Variants in LRP12 observed in about 807,000 individuals in gnomAD.
LRP12 encodes the protein LDL receptor related protein 12.
LRP12 carries 14 observed loss-of-function variants against 66.0 expected under a neutral mutation model. That is an observed-to-expected ratio of 0.21 (90% CI 0.14 to 0.33). LRP12 has a LOEUF of 0.33. LRP12 is among the 10% of genes least tolerant of loss of function. The pLI is 1.00. For synonymous variants in LRP12, 357 were observed against 359.1 expected, an observed-to-expected ratio of 0.99 and a Z score of 0.07; for missense variants, 889 against 1,053.4, an observed-to-expected ratio of 0.84 and a Z score of 2.16.
chr8:104,523,789 C>CT (rs1160095336), intron 2 of LRP12, among the ~76,000 whole-genome samples: 1 of 152,152 alleles, frequency 6.6e-6, no homozygotes, highest in East Asian at 1.9e-4. Flanking sequence ...GTACTGTAGA[C>CT]TGAGGTCTGC....
intron 2 of LRP12, among the ~76,000 whole-genome samples, chr8:104,514,536 G>A (rs1404539014): frequency 2.9e-5 from 4 of 139,418 alleles, no homozygotes; most frequent in Admixed American, 7.3e-5. Context: ...GTGAAACCCC[G>A]TCTCTACTTA....
intron 3 of LRP12, among the ~76,000 whole-genome samples, chr8:104,501,061 C>G (rs1427680493): frequency 1.3e-5 from 2 of 152,096 alleles, no homozygotes; most frequent in Non-Finnish European, 2.9e-5. Context: ...ATTTCTATTT[C>G]TTTTACTCCA....
In LRP12 at chr8:104,491,400, A is replaced by G. The variant is rs777529283; in HGVS notation, c.1853T>C (p.Leu618Ser). The G allele has an allele frequency of 6.2e-7, 1 of 1,614,120 alleles. No individual in the cohort carries two copies. Among genetic ancestry groups the G allele is most frequent in the East Asian group, 2.2e-5 (1 of 44,878 alleles). The change falls in exon 7 of 7, where the codon TTG becomes TCG. Residue 618 changes from leucine to serine, a missense_variant. Physicochemically the swap from Leu to Ser is moderately radical, Grantham distance 145. This residue lies in a region of LRP12 where 800 missense variants were observed against 964.5 expected (regional missense o/e 0.83). Coordinates refer to ENST00000276654, the MANE Select transcript of LRP12 (RefSeq NM_013437.5). Reference sequence around the variant, plus strand: ...ATCTCCATCTGCTGAGACCAAAGCCAATGACCCAGAATGACGTGATCTTGC... The same window carrying G: ...ATCTCCATCTGCTGAGACCAAAGCCGATGACCCAGAATGACGTGATCTTGC... ...NFARSRHSGS[L>S]ALVSADGDEV... is the part of the protein sequence containing the mutation.
At chr8:104,586,011 G>A (rs1200794829) in intron 1 of LRP12, among the ~76,000 whole-genome samples, 1 of 152,182 alleles carries the variant, frequency 6.6e-6, no homozygotes, top group African/African-American at 2.4e-5. Context: ...CAAAGCTTGT[G>A]GTTGTCACCA....
intron 2 of LRP12, among the ~76,000 whole-genome samples, chr8:104,516,780 A>T (rs16871529): frequency 0.031 from 4,647 of 152,204 alleles, 231 homozygotes; most frequent in African/African-American, 0.11. Context: ...TTCAAAATAA[A>T]GTCAAGCTGT....
At chr8:104,524,135 G>A (rs777801656) in intron 2 of LRP12, among the ~76,000 whole-genome samples, 2 of 151,292 alleles carry the variant, frequency 1.3e-5, no homozygotes, top group Non-Finnish European at 2.9e-5. Flanking sequence ...CCAGCTACTC[G>A]GGAGGCTGAG....
At chr8:104,538,835 C>T (rs1479526181) in intron 1 of LRP12, among the ~76,000 whole-genome samples, 1 of 152,062 alleles carries the variant, frequency 6.6e-6, no homozygotes, top group African/African-American at 2.4e-5. Flanking sequence ...TTAGCAACTA[C>T]GTTTTTTATT....
chr8:104,497,083 G>A lies in LRP12; in HGVS notation c.1469C>T (p.Pro490Leu). The change falls in exon 5 of 7, where the codon CCT (proline) becomes CTT (leucine). Residue 490 changes from proline (P) to leucine (L), a missense_variant. Physicochemically the swap from Pro to Leu is moderately conservative, Grantham distance 98. Around this residue, in one of 3 missense-constraint regions of LRP12, gnomAD observed 800 missense variants for 964.5 expected, o/e 0.83. Transcript: ENST00000276654. The surrounding 1 kb of genome is among the most constrained non-coding windows in gnomAD (Gnocchi z 4.3). The stretch of plus-strand genomic sequence containing the variant: ...GACGGCAGCAGTGATGACTCTTGTA[G>A]GCACGATTACTGGGCAATTTTCTTC... The part of the protein sequence containing the change: ...SDEENCPVIV[P>L]TRVITAAVIG... The A allele has an allele frequency of 2.5e-6, 4 of 1,613,480 alleles. No homozygotes were observed. The highest frequency in any genetic ancestry group is 3.4e-6 in the Non-Finnish European group (4 of 1,179,686).
chr8:104,491,223 TG>T lies in LRP12; in HGVS notation c.2029del (p.Gln677LysfsTer9). On this transcript the variant is annotated frameshift_variant, in exon 7 of 7. Coordinates refer to ENST00000276654, the MANE Select transcript of LRP12 (RefSeq NM_013437.5). LOFTEE classifies it high-confidence loss of function. Reference protein sequence around the residue: ...ASGGVAAPLPQKVPPTTAVEA... With the variant: ...ASGGVAAPLPXKVPPTTAVEA... The stretch of plus-strand genomic sequence containing the variant: ...TACTGCCGTTGTGGGAGGGACTTTT[TG>T]AGGCAAAGGAGCTGCAACCCCACCA... 6.2e-7 allele frequency: 1 copy of T among 1,614,036 alleles called. No homozygotes were observed. Among genetic ancestry groups the T allele is most frequent in the Non-Finnish European group, 8.5e-7 (1 of 1,179,986 alleles).
chr8:104,559,004 C>T (rs922840030), intron 1 of LRP12, among the ~76,000 whole-genome samples: 2 of 152,010 alleles, frequency 1.3e-5, no homozygotes, highest in Non-Finnish European at 2.9e-5. Flanking sequence ...TTTACATTGC[C>T]AGTGGGAATG....
chr8:104,581,096 T>C (rs1458195767), intron 1 of LRP12, among the ~76,000 whole-genome samples: 4 of 152,196 alleles, frequency 2.6e-5, no homozygotes, highest in African/African-American at 2.4e-5. Flanking sequence ...TAGAATACTA[T>C]GTAGTCATAA....
chr8:104,543,081 C>G (rs1435511237), intron 1 of LRP12, among the ~76,000 whole-genome samples: 1 of 151,508 alleles, frequency 6.6e-6, no homozygotes, highest in Non-Finnish European at 1.5e-5. Flanking sequence ...AGTGCTGTTA[C>G]TCAGGTATTT....
intron 1 of LRP12, among the ~76,000 whole-genome samples, chr8:104,554,308 G>A (rs1811771784): frequency 6.6e-6 from 1 of 152,186 alleles, no homozygotes; most frequent in South Asian, 2.1e-4. Context: ...AATTCAGATG[G>A]TCGATTATTA....
chr8:104,491,283 GTGTC>G lies in LRP12; in HGVS notation c.1966_1969del (p.Asp656GlnfsTer29). 1 of 1,614,066 alleles carries G rather than the reference GTGTC, an allele frequency of 6.2e-7. No individual in the cohort carries two copies. The highest frequency in any genetic ancestry group is 8.5e-7 in the Non-Finnish European group (1 of 1,180,026). On this transcript the variant is annotated frameshift_variant, in exon 7 of 7. Coordinates refer to ENST00000276654, the MANE Select transcript of LRP12 (RefSeq NM_013437.5). LOFTEE classifies it high-confidence loss of function. ...TGCCATATCTCTTCTCTCATTTTCT[GTGTC>G]TGTATCATCAGACTCCACGGAAAAC...
chr8:104,585,266 C>T (rs1428081260), intron 1 of LRP12, among the ~76,000 whole-genome samples: 1 of 152,196 alleles, frequency 6.6e-6, no homozygotes, highest in Non-Finnish European at 1.5e-5. Context: ...TCACTCGTCA[C>T]CCAGGCTAGA....
chr8:104,506,843 T>A (rs1440346898), intron 3 of LRP12: 2 of 152,212 alleles, frequency 1.3e-5, no homozygotes, highest in Admixed American at 1.3e-4. Flanking sequence ...CAGACAGTTC[T>A]CAGTATTGTT....
At chr8:104,575,488 G>A (rs545253344) in intron 1 of LRP12, among the ~76,000 whole-genome samples, 5 of 152,296 alleles carry the variant, frequency 3.3e-5, no homozygotes, top group Admixed American at 1.3e-4. Flanking sequence ...CCAGAGTTAA[G>A]AGCAAGCCGT....
chr8:104,506,354 T>C (rs1330680472), intron 3 of LRP12: 1 of 152,214 alleles, frequency 6.6e-6, no homozygotes, highest in Non-Finnish European at 1.5e-5. Context: ...GAGTTCCAAC[T>C]TAATTTTGTT....
At chr8:104,495,975 T>C (rs1810718731) in intron 5 of LRP12, 1 of 151,614 alleles carries the variant, frequency 6.6e-6, no homozygotes, top group Admixed American at 6.6e-5. Context: ...GCAGTAATGG[T>C]TATTACGATA....
Sources: gnomAD v4.1 joint callset for allele counts (sites outside exome capture counted in the v4.1 genomes callset) on GRCh38, gnomAD v4.1.1 for gene constraint, gnomAD v4.1.1 regional missense constraint, Gnocchi (gnomAD v3.1) non-coding constraint, MANE v1.5 for transcripts, NCBI Gene and HGNC (gene_info 2026-07-23, HGNC 2026-07-21) for gene names.